GRIK2: variants seen among roughly 807,000 people sequenced by gnomAD.
The protein encoded by GRIK2 is glutamate receptor ionotropic, kainate 2.
A neutral mutation model predicts 100.3 loss-of-function variants in GRIK2; 32 were observed. The ratio of observed to expected loss-of-function variants is 0.32; its 90% CI spans 0.24 to 0.43. The LOEUF is 0.43. GRIK2 is among the 20% of genes least tolerant of loss of function. The pLI, the probability that GRIK2 is intolerant of heterozygous loss-of-function variation, is 1.00. For synonymous variants in GRIK2, 417 were observed against 389.4 expected (o/e 1.07, Z -0.83); for missense variants, 843 against 1,114.9 (o/e 0.76, Z 3.47).
intron 14 of GRIK2, among the ~76,000 whole-genome samples, chr6:101,929,008 T>A (rs192957951): frequency 6.6e-6 from 1 of 152,286 alleles, no homozygotes; most frequent in East Asian, 1.9e-4. Flanking sequence ...GAATAATTAC[T>A]CGGAAAAATG....
At chr6:101,464,326 C>G (rs1365135539) in intron 2 of GRIK2, among the ~76,000 whole-genome samples, 2 of 152,036 alleles carry the variant, frequency 1.3e-5, no homozygotes, top group Non-Finnish European at 2.9e-5. Context: ...GTGCATGAAG[C>G]AGGTTGAAGA....
chr6:101,750,925 G>A (rs1352056940), intron 7 of GRIK2, among the ~76,000 whole-genome samples: 1 of 152,142 alleles, frequency 6.6e-6, no homozygotes, highest in East Asian at 1.9e-4. Flanking sequence ...TCAAAATACT[G>A]CCAGTTAATT....
At position 101,768,595 on chromosome 6, in the gene GRIK2, A is replaced by G. The variant is rs1778185230; in HGVS notation, c.952-31053A>G. Among the ~76,000 whole-genome samples the G allele has an allele frequency of 2.0e-5, 3 of 152,226 alleles. No homozygotes were observed. In the South Asian group the frequency reaches 6.2e-4, roughly 31 times the overall value. On this transcript the variant is annotated intron_variant, in intron 7 of 16. Coordinates refer to ENST00000369134, the MANE Select transcript of GRIK2 (RefSeq NM_021956.5). ...TTCCATAATCTTTGTTTCATAATGC[A>G]CATTGTATTATGTTAATATGAGGGA...
At chr6:101,414,940 T>TTGTGTG (rs3057496) in intron 2 of GRIK2, among the ~76,000 whole-genome samples, 1 of 149,800 alleles carries the variant, frequency 6.7e-6, no homozygotes, top group Admixed American at 6.7e-5. Context: ...AGTTTTAAAC[T>TTGTGTG]TGTGTGTGTG....
At chr6:101,740,734 A>T (rs184083412) in intron 7 of GRIK2, among the ~76,000 whole-genome samples, 1 of 152,208 alleles carries the variant, frequency 6.6e-6, no homozygotes, top group Non-Finnish European at 1.5e-5. Context: ...GAAACTTTCA[A>T]TCATGGCAGA....
chr6:101,595,368 C>A (rs1413968741), intron 2 of GRIK2, among the ~76,000 whole-genome samples: 1 of 151,472 alleles, frequency 6.6e-6, no homozygotes, highest in Admixed American at 6.6e-5. Context: ...TGTAAAAGCA[C>A]AAAAGTAGTC....
At chr6:101,932,206 A>T (rs974670374) in intron 14 of GRIK2, among the ~76,000 whole-genome samples, 3 of 152,030 alleles carry the variant, frequency 2.0e-5, no homozygotes, top group Non-Finnish European at 4.4e-5. Flanking sequence ...GATTTGGCCT[A>T]CCTGAAATCT....
intron 14 of GRIK2, among the ~76,000 whole-genome samples, chr6:101,972,388 G>A (rs904218747): frequency 2.6e-5 from 4 of 151,678 alleles, no homozygotes; most frequent in African/African-American, 9.7e-5. Context: ...CATTGTCTGC[G>A]TGTATGTCTT....
intron 7 of GRIK2, among the ~76,000 whole-genome samples, chr6:101,788,645 A>G (rs1007697893): frequency 3.3e-5 from 5 of 152,098 alleles, no homozygotes; most frequent in African/African-American, 1.2e-4. Context: ...AGTCTTTGCT[A>G]TTGTGAATAG....
chr6:101,469,616 G>A (rs1440641885), intron 2 of GRIK2, among the ~76,000 whole-genome samples: 1 of 151,996 alleles, frequency 6.6e-6, no homozygotes, highest in Non-Finnish European at 1.5e-5. Context: ...ACTCTAACTG[G>A]CCTCATTCTT....
chr6:101,847,260 T>A (rs1783866336), intron 10 of GRIK2, among the ~76,000 whole-genome samples: 1 of 152,178 alleles, frequency 6.6e-6, no homozygotes, highest in Non-Finnish European at 1.5e-5. Context: ...ACTCATTGGT[T>A]TCTCTCAAGG....
chr6:101,578,285 T>C (rs1777881410), intron 2 of GRIK2, among the ~76,000 whole-genome samples: 1 of 152,178 alleles, frequency 6.6e-6, no homozygotes, highest in Non-Finnish European at 1.5e-5. Context: ...TGTGTATTAC[T>C]GAAGGGATCC....
intron 2 of GRIK2, among the ~76,000 whole-genome samples, chr6:101,565,285 T>C (rs1015818709): frequency 2.6e-5 from 4 of 152,112 alleles, no homozygotes; most frequent in African/African-American, 9.7e-5. Context: ...TGCCAATCTT[T>C]ATCCTAGAAG....
At chr6:101,494,611 C>A (rs1461918333) in intron 2 of GRIK2, among the ~76,000 whole-genome samples, 1 of 151,666 alleles carries the variant, frequency 6.6e-6, no homozygotes, top group African/African-American at 2.4e-5. Flanking sequence ...CATCTTAATA[C>A]ATTTAAAAAC....
At chr6:101,796,323 T>C (rs1780301105) in intron 7 of GRIK2, among the ~76,000 whole-genome samples, 1 of 152,320 alleles carries the variant, frequency 6.6e-6, no homozygotes, top group Middle Eastern at 3.4e-3. Context: ...ATATTATTAA[T>C]AGAAGACAGA....
At chr6:101,739,800 A>G (rs981603941) in intron 7 of GRIK2, among the ~76,000 whole-genome samples, 1 of 152,116 alleles carries the variant, frequency 6.6e-6, no homozygotes, top group South Asian at 2.1e-4. Context: ...ATCTCCCTCC[A>G]GTTTGCCAGT....
chr6:101,441,712 T>C (rs2128246255), intron 2 of GRIK2, among the ~76,000 whole-genome samples: 1 of 152,050 alleles, frequency 6.6e-6, no homozygotes, highest in South Asian at 2.1e-4. Context: ...TGGGGTTTGG[T>C]GTACAGATAA....
At chr6:101,592,361 A>C (rs1778691450) in intron 2 of GRIK2, among the ~76,000 whole-genome samples, 1 of 151,696 alleles carries the variant, frequency 6.6e-6, no homozygotes, top group Non-Finnish European at 1.5e-5. Context: ...ACCCCTTCAC[A>C]GTTGTCACAA....
At chr6:101,845,838 A>C (rs866670428) in intron 10 of GRIK2, among the ~76,000 whole-genome samples, 1 of 152,058 alleles carries the variant, frequency 6.6e-6, no homozygotes, top group African/African-American at 2.4e-5. Flanking sequence ...TTCATTTTTA[A>C]AATTATAAAA....
Sources: gnomAD v4.1 joint callset for allele counts (sites outside exome capture counted in the v4.1 genomes callset) on GRCh38, gnomAD v4.1.1 for gene constraint, MANE v1.5 for transcripts, NCBI Gene and HGNC (gene_info 2026-07-23, HGNC 2026-07-21) for gene names.